C11orf65: variants seen among roughly 807,000 people sequenced by gnomAD.
C11orf65 encodes the protein chromosome 11 open reading frame 65.
In C11orf65, 38 loss-of-function variants were observed where a neutral mutation model predicts 35.3. The observed-to-expected ratio is 1.08, with a 90% CI of 0.83 to 1.41. The LOEUF (loss-of-function observed/expected upper bound fraction) is 1.41. Ranked by LOEUF, C11orf65 falls within the 40% of genes most tolerant of loss-of-function variation. The pLI, the probability that C11orf65 is intolerant of heterozygous loss-of-function variation, is 0.00. For missense variants in C11orf65, 370 were observed against 367.1 expected, an observed-to-expected ratio of 1.01 and a Z score of -0.06; for synonymous variants, 105 against 114.4, an observed-to-expected ratio of 0.92 and a Z score of 0.53.
In C11orf65 at chr11:108,310,181, T is replaced by A. The variant is rs1290871799; in HGVS notation, c.641-1110A>T. 5.6e-6 allele frequency: 9 copies of A among 1,613,556 alleles called. No homozygotes were observed. The highest frequency in any genetic ancestry group is 7.6e-6 in the Non-Finnish European group (9 of 1,179,710). On this transcript the variant is annotated intron_variant, in intron 6 of 6. Coordinates refer to the C11orf65 transcript ENST00000525729. ...TTAGACCTTCTTCAGGAACAATTTT[T>A]AATGATGCTTTCTGGCTGGATTTAA... is the stretch of plus-strand genomic sequence containing the variant.
At chr11:108,431,940 A>G in intron 2 of C11orf65, 102 bp from the exon 3 acceptor site, 1 of 576,026 alleles carries the variant, frequency 1.7e-6, no homozygotes, top group Non-Finnish European at 2.9e-6. Flanking sequence ...ACCATAAAAT[A>G]GATTTTTATG....
chr11:108,310,190 T>G lies in C11orf65; in HGVS notation c.641-1119A>C, dbSNP rs3092910. The G allele has an allele frequency of 6.2e-7, 1 of 1,613,596 alleles. No homozygotes were observed. The highest frequency in any genetic ancestry group is 1.7e-5 in the Admixed American group (1 of 60,006). On this transcript the variant is annotated intron_variant, in intron 6 of 6. Coordinates refer to the C11orf65 transcript ENST00000525729. ...CTTCAGGAACAATTTTTAATGATGC[T>G]TTCTGGCTGGATTTAAATTATCTAG...
chr11:108,461,640 T>A (rs962999670), intron 1 of C11orf65, 72 bp from the exon 2 acceptor site: 2 of 1,039,104 alleles, frequency 1.9e-6, no homozygotes, highest in Admixed American at 2.4e-5. Flanking sequence ...TTATTTATTT[T>A]TTTTAGAGAC....
At chr11:108,455,815 CAAA>C (rs112701513) in intron 2 of C11orf65, among the ~76,000 whole-genome samples, 29 of 56,168 alleles carry the variant, frequency 5.2e-4, no homozygotes, top group African/African-American at 1.8e-3. Flanking sequence ...GACTCCACCT[CAAA>C]AAAAAAAAAA....
rs2084043095 is a variant in C11orf65 at position 108,310,328 on chromosome 11, A to C, written c.641-1257T>G. On this transcript the variant is annotated intron_variant, in intron 6 of 6. Transcript: ENST00000525729. Reference sequence around the variant, plus strand: ...ATCAAGAGAAAAGGTAATGGAATTTAGAATTTTTGGTTTTTAAAATTAATG... The same window carrying C: ...ATCAAGAGAAAAGGTAATGGAATTTCGAATTTTTGGTTTTTAAAATTAATG... 1 of 1,611,032 alleles carries C rather than the reference A, an allele frequency of 6.2e-7. No homozygotes were observed. The highest frequency in any genetic ancestry group is 2.2e-5 in the East Asian group (1 of 44,738).
chr11:108,404,118 A>C (rs1407078476), intron 6 of C11orf65, among the ~76,000 whole-genome samples: 1 of 152,064 alleles, frequency 6.6e-6, no homozygotes, highest in African/African-American at 2.4e-5. Flanking sequence ...ACCATCCATC[A>C]ATCACCATCC....
At chr11:108,333,815 T>A in intron 3 of C11orf65, 1 of 1,223,106 alleles carries the variant, frequency 8.2e-7, no homozygotes, top group Non-Finnish European at 1.2e-6. Flanking sequence ...TGGTATCTGC[T>A]GACTATTCCT....
intron 6 of C11orf65, among the ~76,000 whole-genome samples, chr11:108,314,980 C>G (rs2084493957): frequency 1.3e-5 from 2 of 152,210 alleles, no homozygotes; most frequent in South Asian, 4.1e-4. Flanking sequence ...ATGTATCAAA[C>G]AATTCACCTT....
chr11:108,363,133 A>G (rs1175157937), intron 2 of C11orf65, among the ~76,000 whole-genome samples: 1 of 152,202 alleles, frequency 6.6e-6, no homozygotes, highest in Non-Finnish European at 1.5e-5. Context: ...ATCTTACCAC[A>G]GTAAGACCCT....
At chr11:108,395,815 A>G (rs886789224) in intron 6 of C11orf65, among the ~76,000 whole-genome samples, 5 of 142,410 alleles carry the variant, frequency 3.5e-5, no homozygotes, top group African/African-American at 1.3e-4. Context: ...TAGAGACGGG[A>G]TTTCACCGTG....
At chr11:108,345,651 C>T (rs1379290032) in intron 2 of C11orf65, 3 of 1,064,160 alleles carry the variant, frequency 2.8e-6, no homozygotes, top group East Asian at 5.3e-5. Flanking sequence ...CTTTATTGCC[C>T]CTATATCTGT....
At chr11:108,427,836 T>TG (rs1245718026) in intron 3 of C11orf65, among the ~76,000 whole-genome samples, 8 of 96,560 alleles carry the variant, frequency 8.3e-5, no homozygotes, top group Non-Finnish European at 1.3e-4. Context: ...TTTTTTTTTT[T>TG]TTTTTTTTTT....
intron 2 of C11orf65, among the ~76,000 whole-genome samples, chr11:108,456,196 AAT>A (rs1191976598): frequency 2.0e-5 from 3 of 152,144 alleles, no homozygotes; most frequent in African/African-American, 7.2e-5. Context: ...AATGCAACAG[AAT>A]AGACACTATA....
chr11:108,401,002 G>A (rs2092428881), intron 6 of C11orf65, among the ~76,000 whole-genome samples: 1 of 151,950 alleles, frequency 6.6e-6, no homozygotes, highest in South Asian at 2.1e-4. Flanking sequence ...CCAGCTACTC[G>A]GCAGGCTGAG....
rs1267923370 is a variant in C11orf65, at chr11:108,337,401, G to A, written c.227-2109C>T. 6.4e-4 allele frequency among the ~76,000 whole-genome samples: 97 copies of A among 152,216 alleles called. 1 individual carries two copies. Among genetic ancestry groups the A allele is most frequent in the Non-Finnish European group, 1.0e-4 (7 of 68,028 alleles). On this transcript the variant is annotated intron_variant, in intron 2 of 3. Transcript: ENST00000524755. ...AAAGTTGCTCTATAAAGGCTACTCT[G>A]TAGAGGGATTTCTTTGATGTGGTTA... is the stretch of plus-strand genomic sequence containing the variant.
chr11:108,318,770 A>G (rs533715889), intron 6 of C11orf65, among the ~76,000 whole-genome samples: 1 of 152,318 alleles, frequency 6.6e-6, no homozygotes, highest in South Asian at 2.1e-4. Flanking sequence ...TTCTGAATGA[A>G]AAGCCAAGCA....
intron 8 of C11orf65, among the ~76,000 whole-genome samples, chr11:108,384,957 T>G (rs1426305761): frequency 1.3e-5 from 2 of 152,242 alleles, no homozygotes; most frequent in African/African-American, 4.8e-5. Context: ...GGCTTTTACT[T>G]TTAGCATTTC....
rs3092911 is a variant in C11orf65 at position 108,310,331 on chromosome 11, A to G, written c.641-1260T>C. ...AAGAGAAAAGGTAATGGAATTTAGA[A>G]TTTTTGGTTTTTAAAATTAATGTTG... On this transcript the variant is annotated intron_variant, in intron 6 of 6. Transcript: ENST00000525729. The G allele has an allele frequency of 3.4e-5, 54 of 1,610,260 alleles. 1 individual carries two copies. The Middle Eastern group carries it at 6.6e-4, about 20-fold the overall frequency.
At chr11:108,432,973 G>A (rs972860868) in intron 2 of C11orf65, among the ~76,000 whole-genome samples, 2 of 152,078 alleles carry the variant, frequency 1.3e-5, no homozygotes, top group African/African-American at 2.4e-5. Flanking sequence ...GGGGAGTTCT[G>A]CTGGTCTTGG....
Sources: allele counts gnomAD v4.1 joint callset (sites outside exome capture counted in the v4.1 genomes callset), GRCh38; gene constraint gnomAD v4.1.1; transcripts MANE v1.5; gene names NCBI Gene and HGNC (gene_info 2026-07-23, HGNC 2026-07-21).